RORA: variants seen among roughly 807,000 people sequenced by gnomAD.
The protein encoded by RORA is nuclear receptor ROR-alpha.
A neutral mutation model predicts 69.5 loss-of-function variants in RORA; 7 were observed. The ratio of observed to expected loss-of-function variants is 0.10; its 90% CI spans 0.06 to 0.19. RORA has a LOEUF of 0.19. Ranked by LOEUF, RORA falls within the 10% of genes least tolerant of loss-of-function variation. RORA has a pLI of 1.00. For missense variants in RORA, 457 were observed against 663.0 expected (o/e 0.69, Z 3.41); for synonymous variants, 261 against 240.8 (o/e 1.08, Z -0.78).
intron 1 of RORA, among the ~76,000 whole-genome samples, chr15:61,082,351 T>C (rs985969583): frequency 1.3e-5 from 2 of 152,172 alleles, no homozygotes; most frequent in Non-Finnish European, 2.9e-5. Context: ...TAGCTGGGCA[T>C]GGTGGTGGGC....
chr15:61,020,556 A>G (rs888374513), intron 1 of RORA, among the ~76,000 whole-genome samples: 1 of 152,182 alleles, frequency 6.6e-6, no homozygotes, highest in African/African-American at 2.4e-5. Flanking sequence ...TGTTACAACA[A>G]CCAAGGCTTC....
chr15:60,898,261 C>T (rs190095476), intron 1 of RORA, among the ~76,000 whole-genome samples: 2 of 152,258 alleles, frequency 1.3e-5, no homozygotes, highest in African/African-American at 4.8e-5. Context: ...GGGGCAGGGT[C>T]AGGATGGTCT....
intron 1 of RORA, among the ~76,000 whole-genome samples, chr15:60,940,515 G>A (rs1322965353): frequency 6.6e-6 from 1 of 152,202 alleles, no homozygotes; most frequent in African/African-American, 2.4e-5. Context: ...GGACGGGATT[G>A]AGAGCCAAGA....
chr15:60,905,751 G>A lies in RORA; in HGVS notation c.167-227065C>T, dbSNP rs182167320. On this transcript the variant is annotated intron_variant, in intron 1 of 10. Coordinates refer to ENST00000335670, the MANE Select transcript of RORA (RefSeq NM_134261.3). The surrounding 1 kb of genome is among the most constrained non-coding windows in gnomAD (Gnocchi z 4.8). ...CCAAGCAAGTAGGGTCACCTGTGCT[G>A]AGCAGGTTAGAGCCGGCCTGGTTCT... Among the ~76,000 whole-genome samples the A allele has an allele frequency of 2.0e-3, 307 of 152,302 alleles. 1 individual carries two copies. Among genetic ancestry groups the A allele is most frequent in the African/African-American group, 6.7e-3 (278 of 41,564 alleles).
chr15:60,946,625 C>T (rs1008852492), intron 1 of RORA, among the ~76,000 whole-genome samples: 1 of 152,330 alleles, frequency 6.6e-6, no homozygotes, highest in African/African-American at 2.4e-5. Flanking sequence ...CTACAACCTC[C>T]ACCTCCCAGC....
intron 1 of RORA, among the ~76,000 whole-genome samples, chr15:61,110,896 G>C (rs756490455): frequency 1.3e-5 from 2 of 152,176 alleles, no homozygotes; most frequent in Non-Finnish European, 2.9e-5. Context: ...CATGGATATG[G>C]CGCTCCTGGA....
chr15:61,188,676 A>G (rs995833137), intron 1 of RORA, among the ~76,000 whole-genome samples: 2 of 152,206 alleles, frequency 1.3e-5, no homozygotes, highest in Non-Finnish European at 2.9e-5. Context: ...AAATCAAAAT[A>G]CAGCTGGATG....
At chr15:60,842,666 A>G (rs1267458663) in intron 1 of RORA, among the ~76,000 whole-genome samples, 3 of 152,062 alleles carry the variant, frequency 2.0e-5, no homozygotes, top group Non-Finnish European at 4.4e-5. Flanking sequence ...TTCTACCTGA[A>G]CGGATGCCCT....
At chr15:61,182,413 T>G (rs1388973100) in intron 1 of RORA, among the ~76,000 whole-genome samples, 2 of 152,208 alleles carry the variant, frequency 1.3e-5, no homozygotes, top group African/African-American at 2.4e-5. Context: ...TTGCTAGCCC[T>G]GAGCACCATT....
chr15:61,147,763 A>ACGCGCGCG lies in RORA; in HGVS notation c.166+81289_166+81290insCGCGCGCG, dbSNP rs372932498. ...TGATGGTCAGTAGGCACGTGCGCAC[A>ACGCGCGCG]CGCGTGTGTGTGTGTGTGTGTGTGT... On this transcript the variant is annotated intron_variant, in intron 1 of 10. Transcript: ENST00000335670. The surrounding 1 kb of genome is among the most constrained non-coding windows in gnomAD (Gnocchi z 4.1). Among the ~76,000 whole-genome samples, 1 of 74,708 alleles carries ACGCGCGCG rather than the reference A, an allele frequency of 1.3e-5. No individual in the cohort carries two copies. The highest frequency in any genetic ancestry group is 3.2e-5 in the Non-Finnish European group (1 of 31,636). The allele number at this position is 74,708 out of a possible 152,430, so 49.0% of individuals were successfully genotyped here. A position where few individuals can be genotyped will look rare whatever the true frequency, so the allele number is the denominator to read the frequency against.
chr15:61,130,827 T>C (rs750443525), intron 1 of RORA, among the ~76,000 whole-genome samples: 2 of 152,166 alleles, frequency 1.3e-5, no homozygotes, highest in Non-Finnish European at 2.9e-5. Flanking sequence ...AAAATGTTCA[T>C]AATAAAATGG....
chr15:60,555,330 C>T (rs1395997172), intron 2 of RORA, among the ~76,000 whole-genome samples: 1 of 152,118 alleles, frequency 6.6e-6, no homozygotes, highest in Non-Finnish European at 1.5e-5. Flanking sequence ...TTCCAAAGCC[C>T]TTGAGAGCTC....
intron 1 of RORA, among the ~76,000 whole-genome samples, chr15:60,946,127 G>T (rs942250932): frequency 6.6e-6 from 1 of 152,208 alleles, no homozygotes; most frequent in African/African-American, 2.4e-5. Flanking sequence ...CAGGATCAGC[G>T]GGTGTGCTGA....
intron 1 of RORA, among the ~76,000 whole-genome samples, chr15:60,724,264 C>T (rs961316023): frequency 1.3e-5 from 2 of 152,288 alleles, no homozygotes; most frequent in Non-Finnish European, 2.9e-5. Context: ...TCACAGGTAA[C>T]TTTCATTGAG....
intron 3 of RORA, among the ~76,000 whole-genome samples, chr15:60,525,326 G>C (rs1458838166): frequency 1.3e-5 from 2 of 152,162 alleles, no homozygotes; most frequent in Non-Finnish European, 2.9e-5. Flanking sequence ...TGTGGGTGTG[G>C]CTGGGAAGGT....
intron 1 of RORA, among the ~76,000 whole-genome samples, chr15:60,959,327 TATGTGGC>T (rs1428461846): frequency 1.3e-5 from 2 of 152,178 alleles, no homozygotes; most frequent in East Asian, 3.9e-4. Flanking sequence ...TAATTTCAAG[TATGTGGC>T]ATCTTAGCCT....
rs993003734 is a variant in RORA at position 60,948,860 on chromosome 15, A to C, written c.167-270174T>G. Among the ~76,000 whole-genome samples, 5 of 152,232 alleles carry C rather than the reference A, an allele frequency of 3.3e-5. 1 individual carries two copies. The highest frequency in any genetic ancestry group is 7.3e-5 in the Non-Finnish European group (5 of 68,040). On this transcript the variant is annotated intron_variant, in intron 1 of 10. Transcript: ENST00000335670. The stretch of plus-strand genomic sequence containing the variant: ...TGTTTCTATTCTCTCCTGGTTCTAA[A>C]GGATGGATGCAGAAGAGACTGATAG...
At chr15:60,544,823 A>G (rs1441054532) in intron 2 of RORA, 5 of 152,228 alleles carry the variant, frequency 3.3e-5, no homozygotes, top group East Asian at 1.9e-4. Flanking sequence ...CTTTTCCATC[A>G]GCAAAGCATT....
At chr15:60,532,589 A>G (rs2066558697) in intron 2 of RORA, among the ~76,000 whole-genome samples, 3 of 152,204 alleles carry the variant, frequency 2.0e-5, no homozygotes. Context: ...AATAACATGT[A>G]TCACACCAAA....
Sources: allele counts gnomAD v4.1 joint callset (sites outside exome capture counted in the v4.1 genomes callset), GRCh38; gene constraint gnomAD v4.1.1; non-coding constraint Gnocchi (gnomAD v3.1); transcripts MANE v1.5; gene names NCBI Gene and HGNC (gene_info 2026-07-23, HGNC 2026-07-21).